Variants in PHLPP1 observed in about 807,000 individuals in gnomAD.
The protein encoded by PHLPP1 is PH domain and leucine rich repeat protein phosphatase 1.
In PHLPP1, 42 loss-of-function variants were observed where a neutral mutation model predicts 117.2. The ratio of observed to expected loss-of-function variants is 0.36; its 90% CI spans 0.28 to 0.46. The LOEUF is 0.46. Ranked by LOEUF, PHLPP1 falls within the 20% of genes least tolerant of loss-of-function variation. The probability of loss-of-function intolerance (pLI) is 1.00; values close to 1 mark genes in which losing one functional copy is unlikely to be tolerated. For synonymous variants in PHLPP1, 1,042 were observed against 970.7 expected (o/e 1.07, Z -1.37); for missense variants, 2,084 against 2,241.9 (o/e 0.93, Z 1.42).
chr18:62,967,317 T>A (rs1363805033), intron 14 of PHLPP1, among the ~76,000 whole-genome samples: 1 of 152,204 alleles, frequency 6.6e-6, no homozygotes, highest in African/African-American at 2.4e-5. Flanking sequence ...TGTAAGAAAC[T>A]GCCAAACTGT....
chr18:62,874,751 T>C (rs1292150253), intron 4 of PHLPP1, among the ~76,000 whole-genome samples: 1 of 152,152 alleles, frequency 6.6e-6, no homozygotes, highest in Non-Finnish European at 1.5e-5. Context: ...CTGGTGAACG[T>C]AATGTGCACA....
At chr18:62,838,733 A>C (rs781055552) in intron 2 of PHLPP1, 51 bp from the exon 3 acceptor site, 1 of 1,596,022 alleles carries the variant, frequency 6.3e-7, no homozygotes, top group Admixed American at 1.7e-5. Context: ...GAAATACATC[A>C]GTGGTTCTGC....
chr18:62,835,528 A>G (rs554082703), intron 2 of PHLPP1, among the ~76,000 whole-genome samples: 2 of 152,084 alleles, frequency 1.3e-5, no homozygotes, highest in Admixed American at 1.3e-4. Context: ...ATGATATCTC[A>G]TCATTAACAT....
chr18:62,932,674 A>G (rs1037933856), intron 10 of PHLPP1, among the ~76,000 whole-genome samples: 30 of 152,224 alleles, frequency 2.0e-4, no homozygotes, highest in Admixed American at 1.2e-3. Context: ...TGAATGGGCA[A>G]AAGTTGAAAG....
intron 4 of PHLPP1, among the ~76,000 whole-genome samples, chr18:62,892,875 C>CA (rs1214001726): frequency 0.013 from 1,085 of 80,844 alleles, 7 homozygotes; most frequent in African/African-American, 0.027. Context: ...GACTCCATCT[C>CA]AAAAAAAAAA....
In PHLPP1 at chr18:62,860,404, G is replaced by T. The variant is rs1915602307; in HGVS notation, c.1900-31G>T. On this transcript the variant is annotated intron_variant, in intron 3 of 16. Transcript: ENST00000262719. ...GAAAGTAGTTATAGGATAAGTGGAT[G>T]GTATTAAAATTAAGTTTTATCCCCC... The T allele has an allele frequency of 2.5e-6, 4 of 1,583,338 alleles. No homozygotes were observed. In the African/African-American group the frequency reaches 5.4e-5, roughly 21 times the overall value.
intron 1 of PHLPP1, among the ~76,000 whole-genome samples, chr18:62,817,492 A>G (rs1213845563): frequency 6.6e-6 from 1 of 151,948 alleles, no homozygotes; most frequent in African/African-American, 2.4e-5. Context: ...GGGATTAACA[A>G]TAGCTCAAAC....
chr18:62,941,582 T>A (rs1255910349), intron 10 of PHLPP1, 136 bp from the exon 11 acceptor site: 1 of 631,646 alleles, frequency 1.6e-6, no homozygotes, highest in Non-Finnish European at 2.8e-6. Flanking sequence ...CTAATTGAAC[T>A]CCTTGAAGCC....
chr18:62,839,559 A>G (rs1348838411), intron 3 of PHLPP1: 1 of 151,586 alleles, frequency 6.6e-6, no homozygotes, highest in Non-Finnish European at 1.5e-5. Context: ...TCTACTAAAA[A>G]TACAAAAAAA....
At chr18:62,764,181 A>AAAC (rs1415934819) in intron 1 of PHLPP1, among the ~76,000 whole-genome samples, 73 of 146,120 alleles carry the variant, frequency 5.0e-4, no homozygotes, top group African/African-American at 1.8e-3. Context: ...AAAAAAAAAA[A>AAAC]AACAACAACA....
chr18:62,835,789 T>G (rs1914877337), intron 2 of PHLPP1, among the ~76,000 whole-genome samples: 1 of 146,332 alleles, frequency 6.8e-6, no homozygotes, highest in African/African-American at 2.5e-5. Flanking sequence ...TTTTTTTTTT[T>G]TTTTTTTTTG....
chr18:62,972,514 G>A lies in PHLPP1; in HGVS notation c.3561G>A (p.Lys1187=). The change falls in exon 15 of 17, where the codon AAG becomes AAA. Residue 1187 remains lysine, a splice_region_variant and synonymous_variant. Coordinates refer to ENST00000262719, the MANE Select transcript of PHLPP1 (RefSeq NM_194449.4). The part of the protein sequence containing the change: ...GYTEASGVKN[K]LCVAALSVNN... ...GCACAGAAGTGTGGTTGCCTTGCAG[G>A]TTGTGTGTCGCAGCCCTGTCGGTGA... The A allele has an allele frequency of 6.2e-7, 1 of 1,611,956 alleles. No individual in the cohort carries two copies. Among genetic ancestry groups the A allele is most frequent in the Non-Finnish European group, 8.5e-7 (1 of 1,179,570 alleles).
rs1461546706 is a variant in PHLPP1, at chr18:62,849,932, C to T, written c.1900-10503C>T. ...AGTATTAAATTTTCTACGCCTACTC[C>T]GAAGGGTTAAATTCTTCTACCCACT... On this transcript the variant is annotated intron_variant, in intron 3 of 16. Transcript: ENST00000262719. Among the ~76,000 whole-genome samples the T allele has an allele frequency of 4.1e-5, 6 of 146,746 alleles. No homozygotes were observed. In the South Asian group the frequency reaches 6.5e-4, roughly 16 times the overall value.
chr18:62,817,156 C>T (rs1477978861), intron 1 of PHLPP1, among the ~76,000 whole-genome samples: 1 of 152,176 alleles, frequency 6.6e-6, no homozygotes, highest in African/African-American at 2.4e-5. Context: ...GTTTCCCAGG[C>T]TGGTCTGAAA....
Position 62,979,439 on chromosome 18 carries a change from G to T in PHLPP1, c.*8G>T. 1 of 1,549,134 alleles carries T rather than the reference G, an allele frequency of 6.5e-7. No homozygotes were observed. The highest frequency in any genetic ancestry group is 1.2e-5 in the South Asian group (1 of 83,916). ...TACGACACGCCACTATGACCCAGCC[G>T]AGCTGTTTAACAAATAAACTAACCA... On this transcript the variant is annotated 3_prime_UTR_variant, in exon 17 of 17. Transcript: ENST00000262719.
At chr18:62,767,388 T>G (rs948653004) in intron 1 of PHLPP1, among the ~76,000 whole-genome samples, 4 of 152,304 alleles carry the variant, frequency 2.6e-5, no homozygotes, top group African/African-American at 7.2e-5. Context: ...TGCAACCACT[T>G]GAGAAAGTCC....
chr18:62,878,853 A>C (rs538580205), intron 4 of PHLPP1, among the ~76,000 whole-genome samples: 1 of 152,250 alleles, frequency 6.6e-6, no homozygotes, highest in Non-Finnish European at 1.5e-5. Flanking sequence ...AAATATGTGC[A>C]TGTTCAGATG....
rs548642953 is a variant in PHLPP1, at chr18:62,845,592, C to T, written c.1899+6683C>T. Among the ~76,000 whole-genome samples, 6 of 152,172 alleles carry T rather than the reference C, an allele frequency of 3.9e-5. No homozygotes were observed. The South Asian group carries it at 1.2e-3, about 32-fold the overall frequency. ...TCTAGTATAACAAGATTGAGGTTTC[C>T]AACATATCGATTTGTGTTATTAGGT... On this transcript the variant is annotated intron_variant, in intron 3 of 16. Coordinates refer to ENST00000262719, the MANE Select transcript of PHLPP1 (RefSeq NM_194449.4).
intron 1 of PHLPP1, among the ~76,000 whole-genome samples, chr18:62,750,626 C>A (rs1301461441): frequency 6.6e-6 from 1 of 151,622 alleles, no homozygotes; most frequent in East Asian, 1.9e-4. Context: ...TTTCTTTTTC[C>A]TGATTTCCAG....
Sources: allele counts gnomAD v4.1 joint callset (sites outside exome capture counted in the v4.1 genomes callset), GRCh38; gene constraint gnomAD v4.1.1; transcripts MANE v1.5; gene names NCBI Gene and HGNC (gene_info 2026-07-23, HGNC 2026-07-21).